STS: variants seen among roughly 807,000 people sequenced by gnomAD.
The protein encoded by STS is steryl-sulfatase.
STS carries 7 observed loss-of-function variants against 26.8 expected under a neutral mutation model. The ratio of observed to expected loss-of-function variants is 0.26; its 90% CI spans 0.15 to 0.49. The LOEUF is 0.49. Among genes scored for constraint, STS ranks in the 20% least tolerant of loss-of-function variants. The pLI is 0.98. For synonymous variants in STS, 199 were observed against 189.4 expected (o/e 1.05, Z -0.42); for missense variants, 434 against 465.6 (o/e 0.93, Z 0.63).
chrX:7,335,573 A>T (rs1269176163), intron 10 of STS, among the ~76,000 whole-genome samples: 1 of 111,585 alleles, frequency 9.0e-6, no homozygotes, highest in African/African-American at 3.3e-5. Flanking sequence ...GTTCACTCTG[A>T]TGGTAGTTTC....
intron 2 of STS, among the ~76,000 whole-genome samples, chrX:7,218,791 G>A (rs1921417311): frequency 8.9e-6 from 1 of 112,287 alleles, no homozygotes; most frequent in African/African-American, 3.2e-5. Context: ...AATGTCGGTG[G>A]TATTTCAACT....
At chrX:7,286,930 T>TAAA (rs1277821678) in intron 7 of STS, among the ~76,000 whole-genome samples, 4 of 111,946 alleles carry the variant, frequency 3.6e-5, no homozygotes, top group African/African-American at 1.3e-4. Flanking sequence ...GAAAATGAAT[T>TAAA]TTTGGTAAAT....
At chrX:7,267,897 T>A (rs1443418563) in intron 6 of STS, among the ~76,000 whole-genome samples, 1 of 112,094 alleles carries the variant, frequency 8.9e-6, no homozygotes, top group African/African-American at 3.2e-5. Flanking sequence ...AGGATAACTC[T>A]TGTTCTTTAT....
At position 7,242,006 on chromosome X, in the gene STS, AC is replaced by A. The variant is rs751696564; in HGVS notation, c.-4-11189del. Among the ~76,000 whole-genome samples, 17 of 111,193 alleles carry A rather than the reference AC, an allele frequency of 1.5e-4. No individual in the cohort carries two copies. The East Asian group carries it at 4.5e-3, about 29-fold the overall frequency. Reference sequence around the variant, plus strand: ...ATGGGTCTCTCCACAATGGCCACTTACTTCATCCACAGCCAGCAAGCGATAG... The same window carrying A: ...ATGGGTCTCTCCACAATGGCCACTTATTCATCCACAGCCAGCAAGCGATAG... On this transcript the variant is annotated intron_variant, in intron 2 of 10. Transcript: ENST00000674429.
Position 7,259,445 on chromosome X carries a change from C to A in STS, c.479C>A (p.Thr160Asn), listed in dbSNP as rs767492847. 1.7e-6 allele frequency: 2 copies of A among 1,211,460 alleles called. No individual in the cohort carries two copies. The highest frequency in any genetic ancestry group is 2.2e-6 in the Non-Finnish European group (2 of 895,267). The change falls in exon 6 of 11, where the codon ACC becomes AAC. Residue 160 changes from threonine to asparagine, a missense_variant. By Grantham distance (65) the Thr-to-Asn change is moderately conservative. Transcript: ENST00000674429. ...GFNYFYGISL[T>N]NLRDCKPGEG... The stretch of plus-strand genomic sequence containing the variant: ...AATTATTTCTATGGGATCTCTTTGA[C>A]CAATCTGAGAGACTGCAAGCCCGGA...
At chrX:7,299,935 C>G (rs750685793) in intron 7 of STS, among the ~76,000 whole-genome samples, 1 of 111,581 alleles carries the variant, frequency 9.0e-6, no homozygotes, top group Non-Finnish European at 1.9e-5. Flanking sequence ...CCTAAGACCT[C>G]GAATTCTGCT....
intron 2 of STS, among the ~76,000 whole-genome samples, chrX:7,204,920 C>T (rs1222051768): frequency 9.2e-6 from 1 of 108,256 alleles, no homozygotes; most frequent in African/African-American, 3.4e-5. Context: ...TCTCTTGCTC[C>T]CTAATCAGTT....
At chrX:7,317,548 G>A (rs138913127) in intron 8 of STS, among the ~76,000 whole-genome samples, 4,230 of 111,200 alleles carry the variant, frequency 0.038, 183 homozygotes, top group African/African-American at 0.13. Flanking sequence ...AGCTCACTAT[G>A]GCCTCAACCT....
chrX:7,158,579 A>G (rs777243665), intron 1 of STS, among the ~76,000 whole-genome samples: 17 of 111,229 alleles, frequency 1.5e-4, no homozygotes, highest in Middle Eastern at 4.6e-3. Flanking sequence ...CTTTCCTGCT[A>G]CTCTCCAGGT....
chrX:7,348,691 G>A (rs2147194816), intron 10 of STS, among the ~76,000 whole-genome samples: 1 of 112,043 alleles, frequency 8.9e-6, no homozygotes, highest in East Asian at 2.8e-4. Context: ...ATATTTTGGA[G>A]TTTATTGAAA....
At chrX:7,183,015 G>A (rs760047958) in intron 1 of STS, among the ~76,000 whole-genome samples, 8 of 111,950 alleles carry the variant, frequency 7.1e-5, no homozygotes, top group Non-Finnish European at 1.3e-4. Context: ...ACTCGCGGAG[G>A]CATGATGTGA....
intron 2 of STS, among the ~76,000 whole-genome samples, chrX:7,231,029 G>C (rs774215035): frequency 2.9e-4 from 33 of 112,080 alleles, no homozygotes; most frequent in Middle Eastern, 4.6e-3. Flanking sequence ...GTACCCAAAA[G>C]AATTGAAAAC....
At chrX:7,288,678 G>GTGTGTGTGTC (rs1434439682) in intron 7 of STS, among the ~76,000 whole-genome samples, 1 of 104,104 alleles carries the variant, frequency 9.6e-6, no homozygotes, top group Non-Finnish European at 1.9e-5. Flanking sequence ...GTGTGTGTGT[G>GTGTGTGTGTC]TGTGTCTGTG....
At chrX:7,172,617 C>T (rs760948160) in intron 1 of STS, among the ~76,000 whole-genome samples, 2 of 111,644 alleles carry the variant, frequency 1.8e-5, no homozygotes, top group South Asian at 3.8e-4. Context: ...AATGTTGGCA[C>T]ATTACACAGT....
intron 6 of STS, 42 bp downstream of exon 6, chrX:7,259,814 A>G: frequency 4.2e-6 from 5 of 1,180,763 alleles, no homozygotes; most frequent in Non-Finnish European, 5.7e-6. Context: ...GTTAAAAAAC[A>G]TTCTGGGTTA....
intron 1 of STS, among the ~76,000 whole-genome samples, chrX:7,189,401 T>C (rs1225505778): frequency 2.7e-5 from 3 of 111,621 alleles, no homozygotes; most frequent in African/African-American, 9.8e-5. Context: ...AGATAGTAAA[T>C]AAATATTTCC....
chrX:7,307,949 T>G (rs1450113190), intron 8 of STS, among the ~76,000 whole-genome samples: 1 of 112,418 alleles, frequency 8.9e-6, no homozygotes, highest in South Asian at 3.7e-4. Flanking sequence ...TCTAACTTCC[T>G]TGTCTATTAT....
chrX:7,224,528 C>A (rs188978249), intron 2 of STS, among the ~76,000 whole-genome samples: 46 of 111,068 alleles, frequency 4.1e-4, no homozygotes, highest in African/African-American at 1.3e-3. Context: ...GGATTAGTAC[C>A]CATATAAAAG....
At chrX:7,176,988 CTA>C (rs1225267939) in intron 1 of STS, among the ~76,000 whole-genome samples, 1 of 111,653 alleles carries the variant, frequency 9.0e-6, no homozygotes, top group Non-Finnish European at 1.9e-5. Context: ...CATTTTGCCT[CTA>C]TGAAAATAAT....
Sources: gnomAD v4.1 joint callset for allele counts (sites outside exome capture counted in the v4.1 genomes callset) on GRCh38, gnomAD v4.1.1 for gene constraint, MANE v1.5 for transcripts, NCBI Gene and HGNC (gene_info 2026-07-23, HGNC 2026-07-21) for gene names.